Variants in TMTC2 observed in about 807,000 individuals in gnomAD.
TMTC2 encodes transmembrane O-mannosyltransferase targeting cadherins 2.
A neutral mutation model predicts 82.4 loss-of-function variants in TMTC2; 43 were observed. The observed-to-expected ratio is 0.52, with a 90% CI of 0.41 to 0.67. The LOEUF is 0.67. TMTC2 is among the 30% of genes least tolerant of loss of function. TMTC2 has a pLI of 0.00. For synonymous variants in TMTC2, 408 were observed against 381.9 expected, an observed-to-expected ratio of 1.07 and a Z score of -0.80; for missense variants, 919 against 1,012.4, an observed-to-expected ratio of 0.91 and a Z score of 1.25.
intron 1 of TMTC2, among the ~76,000 whole-genome samples, chr12:82,723,082 T>A (rs1472078333): frequency 6.6e-6 from 1 of 152,218 alleles, no homozygotes; most frequent in Non-Finnish European, 1.5e-5. Flanking sequence ...AGGCACTCAT[T>A]AGTTACATTT....
chr12:82,741,587 G>A (rs1277195459), intron 1 of TMTC2, among the ~76,000 whole-genome samples: 1 of 152,214 alleles, frequency 6.6e-6, no homozygotes, highest in African/African-American at 2.4e-5. Context: ...GGGATTACAG[G>A]CGTGAGCCAC....
chr12:82,893,918 G>A (rs1301744229), intron 2 of TMTC2, among the ~76,000 whole-genome samples: 2 of 152,174 alleles, frequency 1.3e-5, no homozygotes, highest in Admixed American at 6.5e-5. Flanking sequence ...GAATCCCAGT[G>A]TTGGCACTTG....
intron 3 of TMTC2, among the ~76,000 whole-genome samples, chr12:82,901,956 G>A (rs112324798): frequency 2.2e-4 from 33 of 152,160 alleles, no homozygotes; most frequent in East Asian, 1.4e-3. Context: ...CTAAATCTTC[G>A]CCTCTCTGGG....
At chr12:82,789,136 A>G (rs1177280860) in intron 1 of TMTC2, among the ~76,000 whole-genome samples, 1 of 152,164 alleles carries the variant, frequency 6.6e-6, no homozygotes, top group Non-Finnish European at 1.5e-5. Context: ...GGCTTCCTCA[A>G]GTCTCCAGAT....
At chr12:82,884,099 C>A (rs1872970261) in intron 2 of TMTC2, among the ~76,000 whole-genome samples, 1 of 152,128 alleles carries the variant, frequency 6.6e-6, no homozygotes, top group Non-Finnish European at 1.5e-5. Flanking sequence ...CTATGGCACA[C>A]CCCTTGCAGT....
intron 1 of TMTC2, among the ~76,000 whole-genome samples, chr12:82,718,030 C>T (rs1465640045): frequency 6.6e-6 from 1 of 152,154 alleles, no homozygotes; most frequent in Non-Finnish European, 1.5e-5. Context: ...TAAATGAGAA[C>T]TTAACCCATT....
At position 82,732,576 on chromosome 12, in the gene TMTC2, C is replaced by T. The variant is rs568876512; in HGVS notation, c.83+44907C>T. On this transcript the variant is annotated intron_variant, in intron 1 of 11. Coordinates refer to ENST00000321196, the MANE Select transcript of TMTC2 (RefSeq NM_152588.3). ...GCCAGGATGGTCTCGATCTCCTGACCTTGTGATCCGTCTGCCTCGGCCTCC... is the reference window on the plus strand; with the variant it reads ...GCCAGGATGGTCTCGATCTCCTGACTTTGTGATCCGTCTGCCTCGGCCTCC... 2.0e-5 allele frequency among the ~76,000 whole-genome samples: 3 copies of T among 152,220 alleles called. No individual in the cohort carries two copies. In the East Asian group the frequency reaches 5.8e-4, roughly 29 times the overall value.
At chr12:82,887,463 T>G (rs1452569041) in intron 2 of TMTC2, among the ~76,000 whole-genome samples, 1 of 152,216 alleles carries the variant, frequency 6.6e-6, no homozygotes, top group Non-Finnish European at 1.5e-5. Context: ...CAGAGTCTTC[T>G]CATTGGCTTC....
chr12:83,131,695 A>G (rs778293857), intron 11 of TMTC2, among the ~76,000 whole-genome samples: 1 of 152,146 alleles, frequency 6.6e-6, no homozygotes, highest in Non-Finnish European at 1.5e-5. Flanking sequence ...AATTTTTTTC[A>G]GGATTTTTAC....
intron 9 of TMTC2, among the ~76,000 whole-genome samples, chr12:83,033,787 AAT>A (rs10536036): frequency 0.11 from 16,443 of 144,206 alleles, 1,521 homozygotes; most frequent in East Asian, 0.31. Context: ...AAACCATATA[AAT>A]ATATATATAT....
intron 1 of TMTC2, among the ~76,000 whole-genome samples, chr12:82,726,836 G>A (rs1393147473): frequency 1.4e-5 from 2 of 142,102 alleles, no homozygotes; most frequent in African/African-American, 2.7e-5. Context: ...CTGAGATGGC[G>A]CCACTGCACT....
chr12:82,914,750 A>G (rs1334870816), intron 3 of TMTC2, among the ~76,000 whole-genome samples: 1 of 151,814 alleles, frequency 6.6e-6, no homozygotes, highest in Non-Finnish European at 1.5e-5. Flanking sequence ...CCAAGGAGTT[A>G]CACATCTATG....
intron 9 of TMTC2, among the ~76,000 whole-genome samples, chr12:83,038,043 A>C (rs1395983004): frequency 1.3e-5 from 2 of 150,556 alleles, no homozygotes; most frequent in African/African-American, 4.9e-5. Context: ...AAGGACAAAA[A>C]ACCAAACACC....
chr12:82,990,179 C>T (rs1726813171), intron 8 of TMTC2, among the ~76,000 whole-genome samples: 1 of 152,088 alleles, frequency 6.6e-6, no homozygotes, highest in African/African-American at 2.4e-5. Flanking sequence ...TGTTTTCACT[C>T]TTTAATCAAA....
chr12:83,118,272 A>C lies in TMTC2; in HGVS notation c.2332-13938A>C, dbSNP rs143707155. On this transcript the variant is annotated intron_variant, in intron 11 of 11. Transcript: ENST00000321196. The stretch of plus-strand genomic sequence containing the variant: ...CAGTTCTCTAGAGGGAATGCTTTCA[A>C]CTTTTCCCCATTCAATATTATGTTG... 8.1e-3 allele frequency among the ~76,000 whole-genome samples: 1,226 copies of C among 152,206 alleles called. 16 individuals carry two copies. The highest frequency in any genetic ancestry group is 0.029 in the African/African-American group (1,187 of 41,526).
intron 1 of TMTC2, among the ~76,000 whole-genome samples, chr12:82,803,379 T>C (rs1879100074): frequency 6.6e-6 from 1 of 152,024 alleles, no homozygotes; most frequent in African/African-American, 2.4e-5. Context: ...GGTTCAGCAG[T>C]TATCACAAGG....
chr12:82,862,899 T>G (rs1196082565), intron 2 of TMTC2, among the ~76,000 whole-genome samples: 1 of 152,248 alleles, frequency 6.6e-6, no homozygotes, highest in Non-Finnish European at 1.5e-5. Context: ...GTTTATATTC[T>G]ATTAAAGATT....
At chr12:82,945,384 T>C (rs1876941043) in intron 4 of TMTC2, among the ~76,000 whole-genome samples, 1 of 152,204 alleles carries the variant, frequency 6.6e-6, no homozygotes, top group Non-Finnish European at 1.5e-5. Context: ...TTAATTTTAT[T>C]GTCGTTTTCA....
rs567713368 is a variant in TMTC2 at position 82,916,438 on chromosome 12, A to G, written c.1484-13993A>G. On this transcript the variant is annotated intron_variant, in intron 3 of 11. Coordinates refer to ENST00000321196, the MANE Select transcript of TMTC2 (RefSeq NM_152588.3). ...TAGGGCAAAATTGAGAAGCCATGGGAAAAATTTTGCATAGAGAAGAAATGG... is the reference window on the plus strand; with the variant it reads ...TAGGGCAAAATTGAGAAGCCATGGGGAAAATTTTGCATAGAGAAGAAATGG... Among the ~76,000 whole-genome samples, 15 of 152,334 alleles carry G rather than the reference A, an allele frequency of 9.8e-5. No homozygotes were observed. The South Asian group carries it at 3.1e-3, about 32-fold the overall frequency.
Sources: gnomAD v4.1 joint callset for allele counts (sites outside exome capture counted in the v4.1 genomes callset) on GRCh38, gnomAD v4.1.1 for gene constraint, MANE v1.5 for transcripts, NCBI Gene and HGNC (gene_info 2026-07-23, HGNC 2026-07-21) for gene names.